NAV2: variants seen among roughly 807,000 people sequenced by gnomAD.
NAV2 encodes the protein helicase, APC down-regulated 1.
In NAV2, 54 loss-of-function variants were observed where a neutral mutation model predicts 223.2. That is an observed-to-expected ratio of 0.24 (90% CI 0.19 to 0.30). The LOEUF is 0.30. NAV2 is among the 10% of genes least tolerant of loss of function. NAV2 has a pLI of 1.00. For synonymous variants in NAV2, 1,279 were observed against 1,239.3 expected (o/e 1.03, Z -0.67); for missense variants, 2,806 against 3,147.5 (o/e 0.89, Z 2.60).
chr11:19,356,897 A>G (rs1410399996), intron 1 of NAV2, among the ~76,000 whole-genome samples: 1 of 152,230 alleles, frequency 6.6e-6, no homozygotes, highest in Non-Finnish European at 1.5e-5. Flanking sequence ...ATGATGCTGG[A>G]AAAGTTGGGT....
At chr11:19,997,632 G>A (rs2153477247) in intron 11 of NAV2, among the ~76,000 whole-genome samples, 1 of 152,250 alleles carries the variant, frequency 6.6e-6, no homozygotes, top group African/African-American at 2.4e-5. Context: ...CTGGCTCAGT[G>A]AGCTTATGTG....
chr11:19,670,787 A>T (rs2048555481), intron 1 of NAV2, among the ~76,000 whole-genome samples: 1 of 152,228 alleles, frequency 6.6e-6, no homozygotes, highest in Non-Finnish European at 1.5e-5. Context: ...AGCCCACAGG[A>T]AATTATTAAT....
At chr11:19,601,388 C>T (rs560711306) in intron 1 of NAV2, among the ~76,000 whole-genome samples, 133 of 152,284 alleles carry the variant, frequency 8.7e-4, no homozygotes, top group South Asian at 2.9e-3. Flanking sequence ...AGTGGCCCTC[C>T]GGCCTCCCCT....
At chr11:19,453,265 G>C (rs1851851343) in intron 1 of NAV2, among the ~76,000 whole-genome samples, 1 of 152,148 alleles carries the variant, frequency 6.6e-6, no homozygotes, top group African/African-American at 2.4e-5. Flanking sequence ...AAAATAAACA[G>C]GTGGATCCCA....
chr11:19,715,598 G>C (rs2050238358), intron 1 of NAV2, among the ~76,000 whole-genome samples: 1 of 152,176 alleles, frequency 6.6e-6, no homozygotes, highest in African/African-American at 2.4e-5. Flanking sequence ...CCAGGCAGCT[G>C]TTCTGCCTTT....
intron 1 of NAV2, among the ~76,000 whole-genome samples, chr11:19,624,292 G>A (rs970089016): frequency 6.6e-6 from 1 of 152,200 alleles, no homozygotes; most frequent in African/African-American, 2.4e-5. Flanking sequence ...TCTCTTCAAA[G>A]CTGTCAGACA....
chr11:19,619,837 C>T (rs934680839), intron 1 of NAV2, among the ~76,000 whole-genome samples: 2,017 of 152,124 alleles, frequency 0.013, 48 homozygotes, highest in African/African-American at 0.046. Flanking sequence ...TCCTTGCCCA[C>T]GCCTATGTCC....
rs569446282 is a variant in NAV2 at position 19,859,137 on chromosome 11, C to CTTTTTTTTTTTTTT, written c.439-9779_439-9766dup. Among the ~76,000 whole-genome samples the CTTTTTTTTTTTTTT allele has an allele frequency of 2.5e-3, 270 of 107,026 alleles. 1 individual carries two copies. The highest frequency in any genetic ancestry group is 6.5e-3 in the East Asian group (20 of 3,066). 70.2% of individuals were successfully genotyped at this position (107,026 alleles called of 152,430 possible). ...ATGGAGGAGTCCAAAATCATATTCT[C>CTTTTTTTTTTTTTT]TTTTTTTTTTTTTTTTTTTTTTATT... On this transcript the variant is annotated intron_variant, in intron 3 of 37. Coordinates refer to ENST00000349880, the MANE Select transcript of NAV2 (RefSeq NM_145117.5).
chr11:19,949,409 G>A (rs574833114), intron 10 of NAV2, among the ~76,000 whole-genome samples: 36 of 152,224 alleles, frequency 2.4e-4, no homozygotes, highest in Admixed American at 2.0e-4. Context: ...GATCTGGCCT[G>A]TACCTGCCTC....
At chr11:19,976,610 G>A (rs2049782273) in intron 10 of NAV2, among the ~76,000 whole-genome samples, 2 of 152,214 alleles carry the variant, frequency 1.3e-5, no homozygotes, top group African/African-American at 4.8e-5. Flanking sequence ...AGTGAGGTGT[G>A]CTCTGTTGAC....
chr11:19,673,727 C>G (rs576654584), intron 1 of NAV2, among the ~76,000 whole-genome samples: 8 of 152,282 alleles, frequency 5.3e-5, no homozygotes, highest in Middle Eastern at 3.4e-3. Context: ...AAGCTTGCAA[C>G]TTTCTGCTCT....
rs1221854258 is a variant in NAV2, at chr11:20,121,499, G to A, written c.*3241G>A. ...TCATGAGGTTTTTGGATTTGCCAAT[G>A]ATCTGCTGGACATCATGCCCCATGT... On this transcript the variant is annotated 3_prime_UTR_variant, in exon 38 of 38. Transcript: ENST00000349880. 1 of 152,426 alleles carries A rather than the reference G, an allele frequency of 6.6e-6. No individual in the cohort carries two copies. The highest frequency in any genetic ancestry group is 1.5e-5 in the Non-Finnish European group (1 of 68,018). 9.4% of individuals were successfully genotyped at this position (152,426 alleles called of 1,614,324 possible).
At chr11:19,405,797 G>A (rs1018064533) in intron 1 of NAV2, among the ~76,000 whole-genome samples, 3 of 152,212 alleles carry the variant, frequency 2.0e-5, no homozygotes, top group Non-Finnish European at 4.4e-5. Context: ...TGGGATCAGG[G>A]AACATGATTG....
At chr11:19,373,552 T>A (rs1654216612) in intron 1 of NAV2, among the ~76,000 whole-genome samples, 1 of 152,200 alleles carries the variant, frequency 6.6e-6, no homozygotes, top group Admixed American at 6.5e-5. Flanking sequence ...AGACCTCCTC[T>A]GATCACATCA....
intron 1 of NAV2, chr11:19,511,119 CAA>C (rs1307644097): frequency 6.6e-6 from 1 of 152,156 alleles, no homozygotes; most frequent in African/African-American, 2.4e-5. Flanking sequence ...CAGAAAATAG[CAA>C]AGTCTGTTCC....
At chr11:20,022,362 C>T (rs1326922155) in intron 11 of NAV2, among the ~76,000 whole-genome samples, 1 of 151,760 alleles carries the variant, frequency 6.6e-6, no homozygotes, top group Non-Finnish European at 1.5e-5. Context: ...AGCCTCTGTA[C>T]CATAATGTTT....
At chr11:19,633,511 C>G (rs2047403489) in intron 1 of NAV2, among the ~76,000 whole-genome samples, 1 of 152,262 alleles carries the variant, frequency 6.6e-6, no homozygotes, top group Non-Finnish European at 1.5e-5. Context: ...GCCTGGCTCC[C>G]TCATCTGAGA....
chr11:19,937,915 CTG>C (rs2153304408), intron 7 of NAV2, among the ~76,000 whole-genome samples: 1 of 152,216 alleles, frequency 6.6e-6, no homozygotes, highest in African/African-American at 2.4e-5. Context: ...AAGGAGAGTG[CTG>C]TAGGAACTCC....
At chr11:20,016,298 G>A (rs2053998343) in intron 11 of NAV2, among the ~76,000 whole-genome samples, 1 of 152,192 alleles carries the variant, frequency 6.6e-6, no homozygotes, top group South Asian at 2.1e-4. Flanking sequence ...GCACCCACAT[G>A]GTCCTGTTCC....
Sources: allele counts gnomAD v4.1 joint callset (sites outside exome capture counted in the v4.1 genomes callset), GRCh38; gene constraint gnomAD v4.1.1; transcripts MANE v1.5; gene names NCBI Gene and HGNC (gene_info 2026-07-23, HGNC 2026-07-21).